The following OSBPL10 variants were observed in gnomAD, a reference collection of about 807,000 sequenced individuals.
The protein encoded by OSBPL10 is oxysterol binding protein like 10.
OSBPL10 carries 49 observed loss-of-function variants against 81.7 expected under a neutral mutation model. The ratio of observed to expected loss-of-function variants is 0.60; its 90% CI spans 0.48 to 0.76. The LOEUF (loss-of-function observed/expected upper bound fraction) is 0.76. Among genes scored for constraint, OSBPL10 ranks in the 30% least tolerant of loss-of-function variants. The pLI is 0.00. For missense variants in OSBPL10, 923 were observed against 987.8 expected (o/e 0.93, Z 0.88); for synonymous variants, 419 against 383.6 (o/e 1.09, Z -1.08).
intron 2 of OSBPL10, chr3:31,990,671 T>A (rs754133266): frequency 6.8e-6 from 11 of 1,614,012 alleles, no homozygotes; most frequent in Middle Eastern, 1.6e-4. Flanking sequence ...CATCATAGAC[T>A]TCATACTGGA....
intron 1 of OSBPL10, among the ~76,000 whole-genome samples, chr3:31,899,908 A>G (rs578190157): frequency 6.6e-6 from 1 of 152,322 alleles, no homozygotes; most frequent in South Asian, 2.1e-4. Flanking sequence ...TACAATTAAA[A>G]GCACCTTAGT....
rs1360070914 is a variant in OSBPL10 at position 31,841,681 on chromosome 3, A to G, written c.538-11450T>C. Among the ~76,000 whole-genome samples the G allele has an allele frequency of 2.6e-5, 4 of 152,242 alleles. No individual in the cohort carries two copies. In the East Asian group the frequency reaches 7.7e-4, roughly 29 times the overall value. ...TCTTCCAAAACCTACTGACTGATGC[A>G]TTCTAGTGCTGACTCAAAGCCTTTC... On this transcript the variant is annotated intron_variant, in intron 3 of 11. Coordinates refer to ENST00000396556, the MANE Select transcript of OSBPL10 (RefSeq NM_017784.5).
chr3:31,969,565 G>T (rs879679106), intron 1 of OSBPL10: 5 of 152,454 alleles, frequency 3.3e-5, no homozygotes, highest in Admixed American at 3.3e-4. Flanking sequence ...TACTTTGGGA[G>T]GCTGAGGTGG....
chr3:32,056,386 C>T (rs1699712585), intron 1 of OSBPL10, among the ~76,000 whole-genome samples: 2 of 152,186 alleles, frequency 1.3e-5, no homozygotes, highest in African/African-American at 4.8e-5. Context: ...CCAACAATTG[C>T]CCAGTTCATG....
At chr3:31,909,343 TTTGGTTTC>T (rs1276666190) in intron 1 of OSBPL10, among the ~76,000 whole-genome samples, 21 of 152,276 alleles carry the variant, frequency 1.4e-4, no homozygotes, top group Admixed American at 9.8e-4. Context: ...ACCAATATGA[TTTGGTTTC>T]TGGTCTTCTG....
chr3:31,810,427 T>C (rs901888083), intron 4 of OSBPL10, among the ~76,000 whole-genome samples: 1 of 149,718 alleles, frequency 6.7e-6, no homozygotes, highest in Admixed American at 6.7e-5. Flanking sequence ...GTGAAAAAAA[T>C]GTTTATAATA....
chr3:31,775,064 G>T lies in OSBPL10; in HGVS notation c.730-26944C>A, dbSNP rs796367668. Among the ~76,000 whole-genome samples, 13 of 151,966 alleles carry T rather than the reference G, an allele frequency of 8.6e-5. 1 individual carries two copies. The highest frequency in any genetic ancestry group is 3.1e-4 in the African/African-American group (13 of 41,490). ...TGCCTGTAATCCCAGCTACTCAGTGGGGGTGGCTGAGGCAGGAGAATCGTT... is the reference window on the plus strand; with the variant it reads ...TGCCTGTAATCCCAGCTACTCAGTGTGGGTGGCTGAGGCAGGAGAATCGTT... On this transcript the variant is annotated intron_variant, in intron 4 of 11. Coordinates refer to ENST00000396556, the MANE Select transcript of OSBPL10 (RefSeq NM_017784.5).
At chr3:31,892,519 T>G (rs1001873334) in intron 1 of OSBPL10, among the ~76,000 whole-genome samples, 13 of 152,018 alleles carry the variant, frequency 8.6e-5, no homozygotes, top group African/African-American at 3.1e-4. Context: ...GACTAACACA[T>G]TCTCTCCCCA....
At chr3:31,879,591 A>G in intron 2 of OSBPL10, 64 bp downstream of exon 2, 1 of 1,506,638 alleles carries the variant, frequency 6.6e-7, no homozygotes, top group Non-Finnish European at 8.9e-7. Flanking sequence ...AAATCAAAAA[A>G]CAAGAGAGCC....
chr3:31,787,354 G>A (rs1415818763), intron 4 of OSBPL10, among the ~76,000 whole-genome samples: 1 of 152,102 alleles, frequency 6.6e-6, no homozygotes, highest in African/African-American at 2.4e-5. Context: ...ATCGCAGCAG[G>A]GAGGCCAAGG....
At chr3:31,907,623 A>C (rs1488142704) in intron 1 of OSBPL10, among the ~76,000 whole-genome samples, 4 of 68,674 alleles carry the variant, frequency 5.8e-5, no homozygotes, top group Admixed American at 3.5e-4. Flanking sequence ...CCATCTCAAA[A>C]AAAAAAAAAA....
intron 4 of OSBPL10, among the ~76,000 whole-genome samples, chr3:31,808,760 T>C (rs192069865): frequency 3.4e-4 from 52 of 152,388 alleles, no homozygotes; most frequent in African/African-American, 1.2e-3. Context: ...TCATAAAACC[T>C]GACATTTATT....
chr3:31,711,949 C>T (rs940149049), intron 6 of OSBPL10, among the ~76,000 whole-genome samples: 2 of 151,986 alleles, frequency 1.3e-5, no homozygotes, highest in African/African-American at 2.4e-5. Flanking sequence ...GGAGGAAGGG[C>T]GTGCCCAGGG....
intron 2 of OSBPL10, among the ~76,000 whole-genome samples, chr3:31,992,982 A>G (rs909205869): frequency 2.0e-5 from 3 of 152,148 alleles, no homozygotes; most frequent in Non-Finnish European, 1.5e-5. Context: ...CAGCCCAGGC[A>G]ATAGAGCAAG....
At position 32,063,913 on chromosome 3, in the gene OSBPL10, G is replaced by C. The variant is rs1232025507; in HGVS notation, n.185+13483C>G. ...TTCTTTGTAAATTACCCAGTCTCAGGTAGTTCTTTATAGCAGTGTGAAAAT... is the reference window on the plus strand; with the variant it reads ...TTCTTTGTAAATTACCCAGTCTCAGCTAGTTCTTTATAGCAGTGTGAAAAT... On this transcript the variant is annotated intron_variant and non_coding_transcript_variant, in intron 1 of 3. Coordinates refer to the OSBPL10 transcript ENST00000479173. 5.4e-5 allele frequency: 5 copies of C among 93,372 alleles called. 1 individual carries two copies. Among genetic ancestry groups the C allele is most frequent in the African/African-American group, 1.4e-4 (5 of 36,214 alleles). The allele number at this position is 93,372 out of a possible 1,614,324, so 5.8% of individuals were successfully genotyped here.
At chr3:31,778,047 G>C (rs1356652266) in intron 4 of OSBPL10, among the ~76,000 whole-genome samples, 1 of 152,190 alleles carries the variant, frequency 6.6e-6, no homozygotes, top group African/African-American at 2.4e-5. Flanking sequence ...AATGCTGGAG[G>C]AAGGACAGCA....
chr3:31,975,735 T>A (rs1226017764), intron 1 of OSBPL10, among the ~76,000 whole-genome samples: 2 of 152,226 alleles, frequency 1.3e-5, no homozygotes, highest in East Asian at 3.9e-4. Flanking sequence ...CTTCTGATAC[T>A]AATAATAGCT....
chr3:32,072,479 A>C (rs1161280535), intron 1 of OSBPL10, among the ~76,000 whole-genome samples: 2 of 152,202 alleles, frequency 1.3e-5, no homozygotes, highest in Admixed American at 6.5e-5. Flanking sequence ...TCTTGGACCA[A>C]GGAAAATATC....
At chr3:31,862,468 A>G (rs1373242854) in intron 3 of OSBPL10, among the ~76,000 whole-genome samples, 1 of 152,232 alleles carries the variant, frequency 6.6e-6, no homozygotes, top group Non-Finnish European at 1.5e-5. Context: ...AACAAATGCA[A>G]CAGTAAAATG....
Sources: gnomAD v4.1 joint callset for allele counts (sites outside exome capture counted in the v4.1 genomes callset) on GRCh38, gnomAD v4.1.1 for gene constraint, MANE v1.5 for transcripts, NCBI Gene and HGNC (gene_info 2026-07-23, HGNC 2026-07-21) for gene names.